The following EHBP1 variants were observed in gnomAD, a reference collection of about 807,000 sequenced individuals.
EHBP1 encodes the protein EH domain-binding protein 1.
A neutral mutation model predicts 144.0 loss-of-function variants in EHBP1; 55 were observed. That is an observed-to-expected ratio of 0.38 (90% CI 0.31 to 0.48). The LOEUF is 0.48. EHBP1 is among the 20% of genes least tolerant of loss of function. EHBP1 has a pLI of 0.98. For missense variants in EHBP1, 1,200 were observed against 1,364.2 expected (o/e 0.88, Z 1.90); for synonymous variants, 469 against 472.7 (o/e 0.99, Z 0.10).
chr2:63,022,722 A>T (rs1481307795), intron 19 of EHBP1, among the ~76,000 whole-genome samples: 1 of 152,126 alleles, frequency 6.6e-6, no homozygotes, highest in Non-Finnish European at 1.5e-5. Flanking sequence ...GCATAAGAAA[A>T]CTGAACTTAT....
In EHBP1 at chr2:62,948,425, A is replaced by C. The variant is rs1426242069; in HGVS notation, c.1579A>C (p.Ser527Arg). 1.9e-6 allele frequency: 3 copies of C among 1,613,784 alleles called. No homozygotes were observed. The highest frequency in any genetic ancestry group is 2.5e-6 in the Non-Finnish European group (3 of 1,179,916). ...LNVVQIEENS[S>R]KSTYKVGNYE... Reference sequence around the variant, plus strand: ...TGTCGTTCAGATAGAGGAAAACAGCAGTAAAAGCACATATAAAGTTGGAAA... The same window carrying C: ...TGTCGTTCAGATAGAGGAAAACAGCCGTAAAAGCACATATAAAGTTGGAAA... The change falls in exon 13 of 23, where the codon AGT (serine) becomes CGT (arginine). Residue 527 changes from serine (S) to arginine (R), a missense_variant. Ser to Arg is a moderately radical substitution (Grantham distance 110). Transcript: ENST00000431489.
chr2:63,013,968 T>C (rs1347459298), intron 19 of EHBP1, among the ~76,000 whole-genome samples: 1 of 152,200 alleles, frequency 6.6e-6, no homozygotes, highest in Non-Finnish European at 1.5e-5. Context: ...TGATAAAAGA[T>C]GAATGATTCT....
intron 6 of EHBP1, chr2:62,826,558 T>G (rs1158210402): frequency 5.0e-6 from 1 of 201,788 alleles, no homozygotes; most frequent in Non-Finnish European, 9.9e-6. Flanking sequence ...TGTAGTAGTC[T>G]GTACTCTGAG....
intron 5 of EHBP1, among the ~76,000 whole-genome samples, chr2:62,779,971 T>G (rs1170661210): frequency 6.6e-6 from 1 of 152,184 alleles, no homozygotes; most frequent in Admixed American, 6.5e-5. Context: ...AAAGTACATT[T>G]CAGATATTAT....
chr2:62,764,045 G>C lies in EHBP1; in HGVS notation c.163-221G>C, dbSNP rs117072116. Reference sequence around the variant, plus strand: ...TGTTTACAGATAGTAATCTGTAGCTGTCATATGATATAACTATCTTGGCCC... The same window carrying C: ...TGTTTACAGATAGTAATCTGTAGCTCTCATATGATATAACTATCTTGGCCC... On this transcript the variant is annotated intron_variant, in intron 3 of 22. Transcript: ENST00000431489. Among the ~76,000 whole-genome samples, 59 of 152,140 alleles carry C rather than the reference G, an allele frequency of 3.9e-4. No individual in the cohort carries two copies. In the East Asian group the frequency reaches 9.8e-3, roughly 25 times the overall value.
At chr2:62,783,546 C>T (rs570714256) in intron 5 of EHBP1, among the ~76,000 whole-genome samples, 1 of 152,364 alleles carries the variant, frequency 6.6e-6, no homozygotes, top group East Asian at 1.9e-4. Context: ...GACTTCTGTG[C>T]ATTCACAGGC....
At chr2:63,044,369 CA>C (rs1283981928) in intron 21 of EHBP1, 1 of 151,236 alleles carries the variant, frequency 6.6e-6, no homozygotes, top group East Asian at 1.9e-4. Flanking sequence ...TTTTCCTTTG[CA>C]AAAGTGCTTT....
At chr2:62,967,014 A>G (rs752029230) in intron 14 of EHBP1, among the ~76,000 whole-genome samples, 1 of 152,188 alleles carries the variant, frequency 6.6e-6, no homozygotes, top group African/African-American at 2.4e-5. Context: ...AGTCTCCAAT[A>G]TCATCAGTAA....
At chr2:62,958,201 T>C (rs2057814396) in intron 14 of EHBP1, among the ~76,000 whole-genome samples, 1 of 152,170 alleles carries the variant, frequency 6.6e-6, no homozygotes, top group Non-Finnish European at 1.5e-5. Flanking sequence ...CCCCAGCAAT[T>C]CCATTTTAAG....
chr2:62,698,721 GA>G (rs2034184774), intron 1 of EHBP1, among the ~76,000 whole-genome samples: 1 of 152,206 alleles, frequency 6.6e-6, no homozygotes, highest in Non-Finnish European at 1.5e-5. Context: ...CTAATTGGGT[GA>G]CTTGCTGTGA....
At chr2:62,856,365 G>A (rs552639202) in intron 7 of EHBP1, among the ~76,000 whole-genome samples, 34 of 152,282 alleles carry the variant, frequency 2.2e-4, no homozygotes, top group African/African-American at 6.7e-4. Flanking sequence ...GTGCCACCAC[G>A]TTCCCAGTGC....
intron 10 of EHBP1, among the ~76,000 whole-genome samples, chr2:62,888,703 G>A (rs749145273): frequency 6.6e-6 from 1 of 152,178 alleles, no homozygotes; most frequent in African/African-American, 2.4e-5. Context: ...TGCTATTGCT[G>A]TATATTGGCA....
chr2:62,758,177 C>T (rs908637425), intron 3 of EHBP1, among the ~76,000 whole-genome samples: 5 of 151,810 alleles, frequency 3.3e-5, no homozygotes, highest in Admixed American at 1.3e-4. Context: ...GGTGTGATCT[C>T]GGTTCTCTGC....
intron 2 of EHBP1, among the ~76,000 whole-genome samples, chr2:62,729,404 AAATAT>A (rs1370829582): frequency 1.7e-5 from 2 of 116,646 alleles, no homozygotes; most frequent in Non-Finnish European, 3.3e-5. Flanking sequence ...TATATATAAT[AAATAT>A]AATAATAATA....
intron 1 of EHBP1, among the ~76,000 whole-genome samples, chr2:62,693,256 C>A (rs2033969724): frequency 6.6e-6 from 1 of 152,112 alleles, no homozygotes. Flanking sequence ...TTAATCCATT[C>A]ATCTGTTGAC....
intron 10 of EHBP1, among the ~76,000 whole-genome samples, chr2:62,880,263 C>T (rs932839979): frequency 6.6e-6 from 1 of 151,388 alleles, no homozygotes; most frequent in African/African-American, 2.4e-5. Flanking sequence ...AAAATTATAA[C>T]CCTAGAAGAA....
intron 19 of EHBP1, among the ~76,000 whole-genome samples, chr2:63,017,046 A>T (rs986324327): frequency 2.6e-5 from 4 of 152,238 alleles, no homozygotes; most frequent in Admixed American, 6.5e-5. Flanking sequence ...GACTGGGGGA[A>T]TGATAACTGC....
chr2:62,910,604 A>C (rs2152975428), intron 10 of EHBP1, among the ~76,000 whole-genome samples: 1 of 152,284 alleles, frequency 6.6e-6, no homozygotes, highest in Admixed American at 6.5e-5. Flanking sequence ...TGAAAAAAAA[A>C]AATGCACTGA....
intron 5 of EHBP1, among the ~76,000 whole-genome samples, chr2:62,781,660 CTTCTTT>C (rs1439557202): frequency 2.0e-5 from 3 of 152,144 alleles, no homozygotes; most frequent in African/African-American, 7.2e-5. Context: ...GCAAGAGAGG[CTTCTTT>C]GTGCAACAGC....
Sources: allele counts gnomAD v4.1 joint callset (sites outside exome capture counted in the v4.1 genomes callset), GRCh38; gene constraint gnomAD v4.1.1; transcripts MANE v1.5; gene names NCBI Gene and HGNC (gene_info 2026-07-23, HGNC 2026-07-21).